Variants in MKNK2 observed in about 807,000 individuals in gnomAD.
MKNK2 encodes MAP kinase-interacting serine/threonine-protein kinase 2.
Under a neutral mutation model 55.0 loss-of-function variants are expected in MKNK2, and 54 were observed. The observed-to-expected ratio is 0.98, with a 90% CI of 0.79 to 1.23. MKNK2 has a LOEUF of 1.23. Ranked by LOEUF, MKNK2 falls within the 50% of genes most tolerant of loss-of-function variation. MKNK2 has a pLI of 0.00. For synonymous variants in MKNK2, 323 were observed against 256.0 expected (o/e 1.26, Z -2.50); for missense variants, 685 against 632.1 (o/e 1.08, Z -0.90).
chr19:2,050,656 ACG>A (rs1043765766), intron 2 of MKNK2, 143 bp downstream of exon 2: 2 of 692,574 alleles, frequency 2.9e-6, no homozygotes, highest in Non-Finnish European at 4.5e-6. Flanking sequence ...GCTTCAGCGC[ACG>A]GCCGGCCCGG....
At position 2,039,683 on chromosome 19, in the gene MKNK2, T is replaced by A; in HGVS notation, c.1328A>T (p.Lys443Met). Residue 443 changes from lysine to methionine, a missense_variant, in exon 14 of 14, where the codon AAG becomes ATG. By Grantham distance (95) the Lys-to-Met change is moderately conservative (BLOSUM62 -1). Transcript: ENST00000250896. ...CLQLSPPSQS[K>M]LAQRRQRASL... ...GGCCCTTTGCCGCCGCTGCGCCAGC[T>A]TGGACTGGGAGGGTGGAGACAGCTG... The A allele has an allele frequency of 6.2e-7, 1 of 1,613,214 alleles. No homozygotes were observed. The highest frequency in any genetic ancestry group is 8.5e-7 in the Non-Finnish European group (1 of 1,179,958).
At position 2,040,223 on chromosome 19, in the gene MKNK2, C is replaced by G. The variant is rs372666946; in HGVS notation, c.1111-46G>C. On this transcript the variant is annotated intron_variant, in intron 12 of 13. Transcript: ENST00000250896. The stretch of plus-strand genomic sequence containing the variant: ...GGCAGGGCTGGAGAGCAGCTGGGGC[C>G]GCCTGGGGCGCTGGGTGGGGTGTCT... 43 of 1,488,432 alleles carry G rather than the reference C, an allele frequency of 2.9e-5. No homozygotes were observed. In the African/African-American group the frequency reaches 5.6e-4, roughly 19 times the overall value. 92.2% of individuals were successfully genotyped at this position (1,488,432 alleles called of 1,614,324 possible).
Position 2,039,873 on chromosome 19 carries a change from G to A in MKNK2, c.1155-17C>T, listed in dbSNP as rs778033804. On this transcript the variant is annotated splice_polypyrimidine_tract_variant and intron_variant, in intron 13 of 13. Transcript: ENST00000250896. ...CAGCTGTTCCTGGGAAACGGGGTGGGGGTAGGTGGTCACCAAGAGGCACCC... is the reference window on the plus strand; with the variant it reads ...CAGCTGTTCCTGGGAAACGGGGTGGAGGTAGGTGGTCACCAAGAGGCACCC... The A allele has an allele frequency of 5.9e-5, 94 of 1,582,680 alleles. No individual in the cohort carries two copies. Among genetic ancestry groups the A allele is most frequent in the Non-Finnish European group, 7.3e-5 (85 of 1,166,544 alleles).
At position 2,042,758 on chromosome 19, in the gene MKNK2, C is replaced by T. The variant is rs2016918425; in HGVS notation, c.598+8G>A. 1 of 1,566,402 alleles carries T rather than the reference C, an allele frequency of 6.4e-7. No individual in the cohort carries two copies. Among genetic ancestry groups the T allele is most frequent in the South Asian group, 1.2e-5 (1 of 86,142 alleles). On this transcript the variant is annotated splice_region_variant and intron_variant, in intron 8 of 13. Coordinates refer to ENST00000250896, the MANE Select transcript of MKNK2 (RefSeq NM_199054.3). ...CCCTAGGAGACTCCGGGCGGGGTCA[C>T]CACCTACCTTTGTTATGCAGAAAGT... is the stretch of plus-strand genomic sequence containing the variant.
In MKNK2 at chr19:2,038,293, C is replaced by T; in HGVS notation, c.*1320G>A. 1 of 986,558 alleles carries T rather than the reference C, an allele frequency of 1.0e-6. No homozygotes were observed. The highest frequency in any genetic ancestry group is 1.2e-6 in the Non-Finnish European group (1 of 830,496). 61.1% of individuals were successfully genotyped at this position (986,558 alleles called of 1,614,324 possible). A position where few individuals can be genotyped will look rare whatever the true frequency, so the allele number is the denominator to read the frequency against. On this transcript the variant is annotated 3_prime_UTR_variant, in exon 14 of 14. Transcript: ENST00000250896. ...AAAAAACTAAACAGGAGGAAGAATC[C>T]CGACCGCGGATTTAGAAGCCAGAGG...
At chr19:2,043,480 G>A (rs368231380) in intron 6 of MKNK2, 23 bp downstream of exon 6, 1,267 of 1,604,960 alleles carry the variant, frequency 7.9e-4, no homozygotes, top group Non-Finnish European at 1.0e-3. Flanking sequence ...AGGCCAGTGC[G>A]GTGGCAAGGG....
Position 2,041,891 on chromosome 19 carries a change from G to C in MKNK2, c.894C>G (p.Arg298=). Residue 298 remains arginine (R), a synonymous_variant, in exon 11 of 14, where the codon CGC becomes CGG. Coordinates refer to ENST00000250896, the MANE Select transcript of MKNK2 (RefSeq NM_199054.3). The part of the protein sequence containing the change: ...LLSGYPPFVG[R]CGSDCGWDRG... Reference sequence around the variant, plus strand: ...GGTCCCAGCCGCAGTCGCTGCCACAGCGGCCCACGAAGGGCGGGTAGCCGC... The same window carrying C: ...GGTCCCAGCCGCAGTCGCTGCCACACCGGCCCACGAAGGGCGGGTAGCCGC... 1 of 1,544,282 alleles carries C rather than the reference G, an allele frequency of 6.5e-7. No homozygotes were observed. Among genetic ancestry groups the C allele is most frequent in the South Asian group, 1.2e-5 (1 of 83,824 alleles).
chr19:2,045,528 CCTT>C (rs1277704161), intron 5 of MKNK2, among the ~76,000 whole-genome samples: 5 of 152,124 alleles, frequency 3.3e-5, no homozygotes, highest in Admixed American at 6.5e-5. Flanking sequence ...TCTTCTTCCT[CCTT>C]CTCCTCAGAG....
At chr19:2,046,147 C>T (rs2016990428) in intron 5 of MKNK2, 39 bp downstream of exon 5, 9 of 1,588,810 alleles carry the variant, frequency 5.7e-6, no homozygotes, top group African/African-American at 1.3e-5. Flanking sequence ...AACACCGATC[C>T]CAAGGCGCTG....
rs1185041954 is a variant in MKNK2 at position 2,041,145 on chromosome 19, G to C, written c.1005C>G (p.Ala335=). 1 of 1,614,010 alleles carries C rather than the reference G, an allele frequency of 6.2e-7. No individual in the cohort carries two copies. Among genetic ancestry groups the C allele is most frequent in the Non-Finnish European group, 8.5e-7 (1 of 1,179,946 alleles). Reference sequence around the variant, plus strand: ...GGTCTTTGGCAGCGCAGGAGATGTGGGCCCAGTCCTTGTCGGGGAACTCGT... The same window carrying C: ...GGTCTTTGGCAGCGCAGGAGATGTGCGCCCAGTCCTTGTCGGGGAACTCGT... The part of the protein sequence containing the change: ...GKYEFPDKDW[A]HISCAAKDLI... The change falls in exon 12 of 14, where the codon GCC becomes GCG. Residue 335 remains alanine, a synonymous_variant. Transcript: ENST00000250896.
At chr19:2,050,156 C>T (rs757937416) in intron 2 of MKNK2, among the ~76,000 whole-genome samples, 2 of 152,202 alleles carry the variant, frequency 1.3e-5, no homozygotes, top group African/African-American at 2.4e-5. Context: ...AACCAGCACT[C>T]AACAGCAGTC....
Position 2,039,569 on chromosome 19 carries a change from G to C in MKNK2, c.*44C>G, listed in dbSNP as rs11556610. ...GATAGCTTAAAAAACCTTTAGATTTGATTGGGGGACGGGTGACCTATGTAC... is the reference window on the plus strand; with the variant it reads ...GATAGCTTAAAAAACCTTTAGATTTCATTGGGGGACGGGTGACCTATGTAC... On this transcript the variant is annotated 3_prime_UTR_variant, in exon 14 of 14. Transcript: ENST00000250896. The C allele has an allele frequency of 0.016, 24,808 of 1,567,504 alleles. 232 individuals are homozygous for C. The highest frequency in any genetic ancestry group is 0.02 in the Non-Finnish European group (22,917 of 1,153,112).
chr19:2,049,049 G>C (rs2017057777), intron 2 of MKNK2, among the ~76,000 whole-genome samples: 1 of 152,204 alleles, frequency 6.6e-6, no homozygotes, highest in Non-Finnish European at 1.5e-5. Context: ...ACAGAGCCCA[G>C]CGTGAGCTCC....
At chr19:2,047,944 C>T (rs995510888) in intron 2 of MKNK2, among the ~76,000 whole-genome samples, 1 of 152,152 alleles carries the variant, frequency 6.6e-6, no homozygotes, top group Admixed American at 6.5e-5. Context: ...CCTACGCCCC[C>T]GCCACCCACC....
At position 2,037,557 on chromosome 19, in the gene MKNK2, C is replaced by T; in HGVS notation, c.*2056G>A. On this transcript the variant is annotated 3_prime_UTR_variant, in exon 14 of 14. Transcript: ENST00000250896. ...GTTGGTGTAAAGGAAAACTTCTGAG[C>T]TCCGTCAGTTCACCTGGTACATTGG... is the stretch of plus-strand genomic sequence containing the variant. 1 of 430,906 alleles carries T rather than the reference C, an allele frequency of 2.3e-6. No homozygotes were observed. The highest frequency in any genetic ancestry group is 4.1e-6 in the Non-Finnish European group (1 of 244,700). The allele number at this position is 430,906 out of a possible 1,614,324, so 26.7% of individuals were successfully genotyped here.
chr19:2,050,931 C>A lies in MKNK2; in HGVS notation c.-80G>T. 4.8e-6 allele frequency: 5 copies of A among 1,034,350 alleles called. No individual in the cohort carries two copies. The highest frequency in any genetic ancestry group is 6.8e-6 in the Non-Finnish European group (5 of 735,730). 64.1% of individuals were successfully genotyped at this position (1,034,350 alleles called of 1,614,324 possible). ...CGAGGGCGGGCGGCCGGGCGGGGGG[C>A]GGCCGAGGAGGGGACCCTGCGGGCG... is the stretch of plus-strand genomic sequence containing the variant. On this transcript the variant is annotated 5_prime_UTR_variant, in exon 2 of 14. Transcript: ENST00000250896.
chr19:2,047,886 C>T (rs1248296112), intron 2 of MKNK2, among the ~76,000 whole-genome samples: 1 of 152,236 alleles, frequency 6.6e-6, no homozygotes, highest in East Asian at 1.9e-4. Flanking sequence ...TTCCTCCGCC[C>T]ATGTCCCGCA....
chr19:2,042,971 C>T, intron 7 of MKNK2, 101 bp from the exon 8 acceptor site: 1 of 1,361,654 alleles, frequency 7.3e-7, no homozygotes, highest in Non-Finnish European at 1.0e-6. Flanking sequence ...GACGCCCCCA[C>T]ACTGGCTTCC....
rs201189734 is a variant in MKNK2 at position 2,041,223 on chromosome 19, G to C, written c.946-19C>G. ...GCATGTTCTGGGGACATAGAACACA[G>C]GGGAGCTTAGACCTGCCCAAGGGCC... On this transcript the variant is annotated intron_variant, in intron 11 of 13. Transcript: ENST00000250896. 5 of 1,603,204 alleles carry C rather than the reference G, an allele frequency of 3.1e-6. No homozygotes were observed. Among genetic ancestry groups the C allele is most frequent in the Non-Finnish European group, 4.3e-6 (5 of 1,173,574 alleles).
Sources: allele counts gnomAD v4.1 joint callset (sites outside exome capture counted in the v4.1 genomes callset), GRCh38; gene constraint gnomAD v4.1.1; transcripts MANE v1.5; gene names NCBI Gene and HGNC (gene_info 2026-07-23, HGNC 2026-07-21).